The following KPNA7 variants were observed in gnomAD, a reference collection of about 807,000 sequenced individuals.
KPNA7 encodes the protein karyopherin subunit alpha 7, also known as importin subunit alpha-8.
In KPNA7, 54 loss-of-function variants were observed where a neutral mutation model predicts 53.7. That is an observed-to-expected ratio of 1.01 (90% CI 0.81 to 1.26). KPNA7 has a LOEUF of 1.26. KPNA7 is among the 50% of genes most tolerant of loss of function. The pLI is 0.00. For synonymous variants in KPNA7, 276 were observed against 259.3 expected (o/e 1.06, Z -0.62); for missense variants, 640 against 644.5 (o/e 0.99, Z 0.07).
intron 1 of KPNA7, among the ~76,000 whole-genome samples, chr7:99,216,934 C>T (rs937203324): frequency 1.3e-5 from 2 of 152,106 alleles, no homozygotes; most frequent in Admixed American, 6.6e-5. Flanking sequence ...GGTATTGAGT[C>T]GCTTCCTCTG....
rs765665752 is a variant in KPNA7 at position 99,190,938 on chromosome 7, G to A, written c.636+2081C>T. ...CCTAGCAAGGTACATCTGTCAATCC[G>A]ACTCTGCTGCAATGGTGTCTCCAAC... On this transcript the variant is annotated intron_variant, in intron 6 of 10. Transcript: ENST00000327442. Among the ~76,000 whole-genome samples, 5 of 151,978 alleles carry A rather than the reference G, an allele frequency of 3.3e-5. 1 individual carries two copies. The highest frequency in any genetic ancestry group is 2.0e-4 in the Admixed American group (3 of 15,234).
chr7:99,186,509 G>A (rs181141858), intron 7 of KPNA7, among the ~76,000 whole-genome samples: 4 of 152,268 alleles, frequency 2.6e-5, no homozygotes, highest in Admixed American at 2.0e-4. Context: ...TTGGGAGGCC[G>A]AGGCGGATGG....
chr7:99,207,366 T>C, intron 2 of KPNA7, 35 bp downstream of exon 2: 1 of 1,539,694 alleles, frequency 6.5e-7, no homozygotes, highest in Non-Finnish European at 8.8e-7. Flanking sequence ...ATTGCACTGG[T>C]CCCCAATAGA....
intron 1 of KPNA7, among the ~76,000 whole-genome samples, chr7:99,219,009 C>T (rs553784159): frequency 5.6e-4 from 85 of 152,388 alleles, no homozygotes; most frequent in Middle Eastern, 3.4e-3. Context: ...ATGCCCTCAG[C>T]TGATGGCAGG....
At chr7:99,193,180 TG>T (rs1271602504) in intron 5 of KPNA7, 79 bp from the exon 6 acceptor site, 6 of 854,894 alleles carry the variant, frequency 7.0e-6, no homozygotes. Context: ...TTTAAGAGTG[TG>T]CAAAGGGCAA....
At chr7:99,190,196 G>A (rs1789861598) in intron 6 of KPNA7, among the ~76,000 whole-genome samples, 1 of 151,932 alleles carries the variant, frequency 6.6e-6, no homozygotes, top group Admixed American at 6.6e-5. Context: ...AATTAGCCAG[G>A]CGGGGTGGCA....
At chr7:99,168,574 G>A (rs569367826), downstream of KPNA7, among the ~76,000 whole-genome samples, 405 of 152,138 alleles carry the variant, frequency 2.7e-3, no homozygotes, top group African/African-American at 8.7e-3. Flanking sequence ...GTGGTGGCAG[G>A]ATCATGGCTC....
chr7:99,199,887 AATTT>A (rs753097226), intron 3 of KPNA7, among the ~76,000 whole-genome samples: 1 of 152,142 alleles, frequency 6.6e-6, no homozygotes, highest in Admixed American at 6.5e-5. Context: ...AATAAAAAAT[AATTT>A]ATTTGACTTA....
chr7:99,157,789 T>C, the KPNA7 span, among the ~76,000 whole-genome samples: 1 of 152,154 alleles, frequency 6.6e-6, no homozygotes, highest in Non-Finnish European at 1.5e-5. Context: ...GTAACTTTTG[T>C]TTTTTGATAC....
chr7:99,165,010 A>G, the KPNA7 span, among the ~76,000 whole-genome samples: 1 of 151,984 alleles, frequency 6.6e-6, no homozygotes, highest in Non-Finnish European at 1.5e-5. Flanking sequence ...GCATGGTGGC[A>G]TGTGCCTGTA....
At chr7:99,187,457 C>T (rs13235218) in intron 7 of KPNA7, among the ~76,000 whole-genome samples, 78,237 of 151,518 alleles carry the variant, frequency 0.52, 22,388 homozygotes, top group East Asian at 0.67. Flanking sequence ...TGTGCCATCA[C>T]AGCTCACTGC....
chr7:99,191,840 G>C (rs1789972470), intron 6 of KPNA7, among the ~76,000 whole-genome samples: 1 of 152,122 alleles, frequency 6.6e-6, no homozygotes, highest in Admixed American at 6.6e-5. Context: ...AGTAGAGATA[G>C]GATTTCGCCA....
At chr7:99,192,602 G>T (rs1790012820) in intron 6 of KPNA7, among the ~76,000 whole-genome samples, 1 of 151,994 alleles carries the variant, frequency 6.6e-6, no homozygotes, top group Non-Finnish European at 1.5e-5. Context: ...TAGAAGCATG[G>T]TCTCACTATG....
chr7:99,163,267 AAT>A, the KPNA7 span, among the ~76,000 whole-genome samples: 31 of 149,382 alleles, frequency 2.1e-4, no homozygotes, highest in South Asian at 1.7e-3. Flanking sequence ...CCATTTTTTC[AAT>A]ATGTTTTTTC....
chr7:99,196,219 C>T, intron 3 of KPNA7, 53 bp from the exon 4 acceptor site: 2 of 1,247,324 alleles, frequency 1.6e-6, no homozygotes, highest in Non-Finnish European at 2.3e-6. Flanking sequence ...GAGCTGTAAA[C>T]ATCACCTACT....
chr7:99,193,143 GAC>G (rs1345056374), intron 5 of KPNA7, 42 bp from the exon 6 acceptor site: 1 of 1,279,968 alleles, frequency 7.8e-7, no homozygotes, highest in Non-Finnish European at 1.1e-6. Context: ...AGAGAACAAA[GAC>G]AATCCTGAAG....
chr7:99,168,274 CAG>C, the KPNA7 span, among the ~76,000 whole-genome samples: 1 of 152,178 alleles, frequency 6.6e-6, no homozygotes, highest in Non-Finnish European at 1.5e-5. Context: ...TCCTACCCCC[CAG>C]AGTCTGTTTG....
chr7:99,147,150 C>A, the KPNA7 span, among the ~76,000 whole-genome samples: 6 of 152,184 alleles, frequency 3.9e-5, no homozygotes, highest in Non-Finnish European at 8.8e-5. Flanking sequence ...CAAAATAAAT[C>A]TATTACAGCT....
At chr7:99,151,727 G>A in the KPNA7 span, among the ~76,000 whole-genome samples, 3 of 152,012 alleles carry the variant, frequency 2.0e-5, no homozygotes, top group African/African-American at 4.8e-5. Context: ...AAAGTGCTGG[G>A]ATTATAGGTG....
Sources: gnomAD v4.1 joint callset for allele counts (sites outside exome capture counted in the v4.1 genomes callset) on GRCh38, gnomAD v4.1.1 for gene constraint, MANE v1.5 for transcripts, NCBI Gene and HGNC (gene_info 2026-07-23, HGNC 2026-07-21) for gene names.